ANKH: variants seen among roughly 807,000 people sequenced by gnomAD.
ANKH encodes ANKH inorganic pyrophosphate transport regulator.
ANKH carries 15 observed loss-of-function variants against 49.0 expected under a neutral mutation model. That is an observed-to-expected ratio of 0.31 (90% CI 0.20 to 0.47). The LOEUF (loss-of-function observed/expected upper bound fraction) is 0.47, where lower values mean the gene tolerates loss of function less well. Ranked by LOEUF, ANKH falls within the 20% of genes least tolerant of loss-of-function variation. The probability of loss-of-function intolerance (pLI) is 1.00; values close to 1 mark genes in which losing one functional copy is unlikely to be tolerated. For synonymous variants in ANKH, 273 were observed against 260.0 expected, an observed-to-expected ratio of 1.05 and a Z score of -0.48; for missense variants, 429 against 652.0, an observed-to-expected ratio of 0.66 and a Z score of 3.72.
intron 1 of ANKH, among the ~76,000 whole-genome samples, chr5:14,814,263 T>C (rs963827759): frequency 6.6e-6 from 1 of 152,216 alleles, no homozygotes; most frequent in African/African-American, 2.4e-5. Context: ...CTGGTGTGTG[T>C]CATCAATGTA....
At chr5:14,762,741 T>TG (rs975775782) in intron 2 of ANKH, among the ~76,000 whole-genome samples, 12 of 91,654 alleles carry the variant, frequency 1.3e-4, no homozygotes, top group East Asian at 4.0e-4. Context: ...ATTGGGGGGG[T>TG]GGGGGGGTAA....
chr5:14,845,133 C>T (rs1741920235), intron 1 of ANKH, among the ~76,000 whole-genome samples: 2 of 151,700 alleles, frequency 1.3e-5, no homozygotes, highest in African/African-American at 4.8e-5. Context: ...GACAGAAACA[C>T]GCTTTCCAAT....
At chr5:14,721,929 CAA>C (rs35821509) in intron 8 of ANKH, among the ~76,000 whole-genome samples, 12 of 59,464 alleles carry the variant, frequency 2.0e-4, no homozygotes, top group African/African-American at 1.0e-3. Context: ...GACTCCGTCT[CAA>C]AAAAAAAAAA....
intron 1 of ANKH, among the ~76,000 whole-genome samples, chr5:14,812,857 A>G (rs1490495728): frequency 6.6e-6 from 1 of 152,244 alleles, no homozygotes; most frequent in Non-Finnish European, 1.5e-5. Flanking sequence ...TCTATCTAGA[A>G]ACAGACATTC....
At chr5:14,863,899 G>A (rs773969195) in intron 1 of ANKH, among the ~76,000 whole-genome samples, 5 of 152,086 alleles carry the variant, frequency 3.3e-5, no homozygotes, top group African/African-American at 7.2e-5. Context: ...TCCCATAAAC[G>A]GTATCACACT....
chr5:14,837,083 T>TGGATCC lies in ANKH; in HGVS notation c.96+34263_96+34268dup, dbSNP rs1201850932. ...CTAGCCATATGTAGAAAGCTGAAAC[T>TGGATCC]GGATCCCTTCCTTACACCTTATACA... On this transcript the variant is annotated intron_variant, in intron 1 of 11. Transcript: ENST00000284268. Among the ~76,000 whole-genome samples, 19 of 152,360 alleles carry TGGATCC rather than the reference T, an allele frequency of 1.2e-4. No homozygotes were observed. The South Asian group carries it at 3.5e-3, about 28-fold the overall frequency.
At chr5:14,858,533 T>C (rs921992406) in intron 1 of ANKH, among the ~76,000 whole-genome samples, 1 of 152,110 alleles carries the variant, frequency 6.6e-6, no homozygotes, top group African/African-American at 2.4e-5. Context: ...CTGGCCAGCA[T>C]GGCGAAACCC....
At position 14,715,332 on chromosome 5, in the gene ANKH, T is replaced by C. The variant is rs1004350018; in HGVS notation, c.1141+1374A>G. On this transcript the variant is annotated intron_variant, in intron 9 of 11. Coordinates refer to ENST00000284268, the MANE Select transcript of ANKH (RefSeq NM_054027.6). The stretch of plus-strand genomic sequence containing the variant: ...ATTTAGTAGAGACGGGGTTTCACCA[T>C]GTTGGTGAGGCTGGTCTCGAACTCC... 3.9e-5 allele frequency among the ~76,000 whole-genome samples: 6 copies of C among 152,180 alleles called. No homozygotes were observed. In the East Asian group the frequency reaches 1.2e-3, roughly 29 times the overall value.
Position 14,725,666 on chromosome 5 carries a change from GTGAGAT to G in ANKH, c.1012-8837_1012-8832del. ...CTAGCAGGGGAGTCCTCTGGAGGTG[GTGAGAT>G]TAGGACTGATTGAATTTTCCTCTTT... On this transcript the variant is annotated intron_variant, in intron 8 of 11. Transcript: ENST00000284268. This position sits in a 1 kb window ranked among gnomAD's most constrained non-coding sequence, Gnocchi z 4.0. 6.6e-6 allele frequency among the ~76,000 whole-genome samples: 1 copy of G among 152,370 alleles called. No individual in the cohort carries two copies. Among genetic ancestry groups the G allele is most frequent in the East Asian group, 1.9e-4 (1 of 5,194 alleles).
intron 9 of ANKH, among the ~76,000 whole-genome samples, chr5:14,716,169 A>G (rs1481996576): frequency 6.6e-6 from 1 of 152,132 alleles, no homozygotes; most frequent in Non-Finnish European, 1.5e-5. Context: ...TTTCAGGTCT[A>G]CTTCCTTTTT....
intron 8 of ANKH, chr5:14,717,057 C>T (rs751675583): frequency 6.3e-5 from 34 of 537,816 alleles, no homozygotes; most frequent in Non-Finnish European, 9.5e-5. Flanking sequence ...GGGACCCCCA[C>T]GGCAGAGCAG....
At chr5:14,779,191 C>T (rs1257353654) in intron 1 of ANKH, among the ~76,000 whole-genome samples, 1 of 152,140 alleles carries the variant, frequency 6.6e-6, no homozygotes, top group Non-Finnish European at 1.5e-5. Flanking sequence ...AGTGTGGGGC[C>T]ATCCATCTGG....
chr5:14,835,137 T>A lies in ANKH; in HGVS notation c.96+36215A>T, dbSNP rs532066711. On this transcript the variant is annotated intron_variant, in intron 1 of 11. Transcript: ENST00000284268. ...GGTGATGTAATCTTTACAAGTTTTT[T>A]AAAAAATAATTCTGGATTAGTGCAG... Among the ~76,000 whole-genome samples the A allele has an allele frequency of 4.6e-5, 7 of 152,340 alleles. No individual in the cohort carries two copies. In the South Asian group the frequency reaches 6.2e-4, roughly 14 times the overall value.
chr5:14,820,088 A>C (rs1741158121), intron 1 of ANKH, among the ~76,000 whole-genome samples: 1 of 152,226 alleles, frequency 6.6e-6, no homozygotes. Context: ...GTATTTTATA[A>C]GAAAGTATTT....
intron 1 of ANKH, among the ~76,000 whole-genome samples, chr5:14,784,226 T>C (rs1561053692): frequency 6.6e-6 from 1 of 152,206 alleles, no homozygotes; most frequent in Non-Finnish European, 1.5e-5. Context: ...AACAACATAA[T>C]AGGGTAACAA....
At chr5:14,806,752 C>A (rs953068452) in intron 1 of ANKH, among the ~76,000 whole-genome samples, 2 of 152,130 alleles carry the variant, frequency 1.3e-5, no homozygotes, top group Admixed American at 6.5e-5. Flanking sequence ...CCTCTTGTGA[C>A]CTCTTGTAAA....
At chr5:14,857,150 T>A (rs1181213050) in intron 1 of ANKH, among the ~76,000 whole-genome samples, 1 of 151,954 alleles carries the variant, frequency 6.6e-6, no homozygotes, top group Non-Finnish European at 1.5e-5. Flanking sequence ...GTACCAGGCA[T>A]TTTGCCTGGT....
intron 3 of ANKH, among the ~76,000 whole-genome samples, chr5:14,756,934 T>C (rs1738904746): frequency 6.6e-6 from 1 of 152,176 alleles, no homozygotes; most frequent in Admixed American, 6.5e-5. Flanking sequence ...TTACAAATGT[T>C]CTGGTGTTCT....
rs57977744 is a variant in ANKH, at chr5:14,819,900, T to TACACACACAC, written c.97-50719_97-50710dup. Reference sequence around the variant, plus strand: ...AACAACAACAACAACAACAAAAATATACACACACACACACACACACACACA... The same window carrying TACACACACAC: ...AACAACAACAACAACAACAAAAATATACACACACACACACACACACACACACACACACACA... On this transcript the variant is annotated intron_variant, in intron 1 of 11. Coordinates refer to ENST00000284268, the MANE Select transcript of ANKH (RefSeq NM_054027.6). Among the ~76,000 whole-genome samples, 425 of 145,502 alleles carry TACACACACAC rather than the reference T, an allele frequency of 2.9e-3. 5 individuals carry two copies. Among genetic ancestry groups the TACACACACAC allele is most frequent in the African/African-American group, 0.01 (391 of 39,092 alleles).
Sources: allele counts gnomAD v4.1 joint callset (sites outside exome capture counted in the v4.1 genomes callset), GRCh38; gene constraint gnomAD v4.1.1; non-coding constraint Gnocchi (gnomAD v3.1); transcripts MANE v1.5; gene names NCBI Gene and HGNC (gene_info 2026-07-23, HGNC 2026-07-21).